The following TRIM67 variants were observed in gnomAD, a reference collection of about 807,000 sequenced individuals.
The protein encoded by TRIM67 is tripartite motif containing 67.
A neutral mutation model predicts 71.0 loss-of-function variants in TRIM67; 39 were observed. The observed-to-expected ratio is 0.55, with a 90% CI of 0.43 to 0.72. The LOEUF is 0.72. Among genes scored for constraint, TRIM67 ranks in the 30% least tolerant of loss-of-function variants. The probability of loss-of-function intolerance (pLI) is 0.00; values close to 1 mark genes in which losing one functional copy is unlikely to be tolerated. For missense variants in TRIM67, 973 were observed against 1,079.2 expected, an observed-to-expected ratio of 0.90 and a Z score of 1.38; for synonymous variants, 481 against 473.9, an observed-to-expected ratio of 1.01 and a Z score of -0.19.
In TRIM67 at chr1:231,218,217, A is replaced by C; in HGVS notation, c.*2777A>C. ...GTAGAAATGACAGACAGGTCATGGAATTCTCATCCACCATCGAATTCCATA... is the reference window on the plus strand; with the variant it reads ...GTAGAAATGACAGACAGGTCATGGACTTCTCATCCACCATCGAATTCCATA... On this transcript the variant is annotated 3_prime_UTR_variant, in exon 10 of 10. Coordinates refer to ENST00000366653, the MANE Select transcript of TRIM67 (RefSeq NM_001004342.5). The C allele has an allele frequency of 9.9e-7, 1 of 1,013,000 alleles. No individual in the cohort carries two copies. Among genetic ancestry groups the C allele is most frequent in the Non-Finnish European group, 1.2e-6 (1 of 846,048 alleles). 62.8% of individuals were successfully genotyped at this position (1,013,000 alleles called of 1,614,324 possible).
At chr1:231,200,703 G>C (rs895216529) in intron 4 of TRIM67, among the ~76,000 whole-genome samples, 2 of 152,194 alleles carry the variant, frequency 1.3e-5, no homozygotes, top group African/African-American at 4.8e-5. Context: ...TCAGGGTCAT[G>C]AGTATCTCTC....
chr1:231,177,101 G>A (rs1371276302), intron 1 of TRIM67, among the ~76,000 whole-genome samples: 1 of 152,040 alleles, frequency 6.6e-6, no homozygotes, highest in Non-Finnish European at 1.5e-5. Context: ...GGACAGGAGG[G>A]CTCATCTCAC....
At chr1:231,193,491 A>ACTCTCTCTCAAG (rs1683286375) in intron 1 of TRIM67, among the ~76,000 whole-genome samples, 2 of 30,770 alleles carry the variant, frequency 6.5e-5, no homozygotes, top group African/African-American at 2.0e-4. Context: ...AGACACCTGA[A>ACTCTCTCTCAAG]CTCTCTCTCA....
rs201400719 is a variant in TRIM67 at position 231,163,056 on chromosome 1, T to G, written c.87T>G (p.Pro29=). The G allele has an allele frequency of 1.1e-4, 179 of 1,608,780 alleles. No individual in the cohort carries two copies. In the African/African-American group the frequency reaches 2.0e-3, roughly 18 times the overall value. Residue 29 remains proline (P), a synonymous_variant, in exon 1 of 10, where the codon CCT becomes CCG. Coordinates refer to ENST00000366653, the MANE Select transcript of TRIM67 (RefSeq NM_001004342.5). ...ILPCSHNVCL[P]CARTIAVQTP... The stretch of plus-strand genomic sequence containing the variant: ...CCTGTTCCCACAATGTCTGCCTGCC[T>G]TGCGCTCGCACCATCGCGGTGCAGA...
rs199637747 is a variant in TRIM67, at chr1:231,216,294, T to A, written c.*854T>A. 180 of 960,472 alleles carry A rather than the reference T, an allele frequency of 1.9e-4. 2 individuals are homozygous for A. In the East Asian group the frequency reaches 3.8e-3, roughly 20 times the overall value. 59.5% of individuals were successfully genotyped at this position (960,472 alleles called of 1,614,324 possible). ...TTCCCTCCCTCCTTCTCTCTCTCTC[T>A]CACACACACACAGGCATGACAGTCT... On this transcript the variant is annotated 3_prime_UTR_variant, in exon 10 of 10. Transcript: ENST00000366653.
intron 9 of TRIM67, 92 bp downstream of exon 9, chr1:231,214,069 A>G: frequency 2.1e-6 from 3 of 1,401,266 alleles, no homozygotes; most frequent in East Asian, 2.5e-5. Flanking sequence ...TGGGCCATAA[A>G]GAAGCTGACC....
chr1:231,198,983 A>G, intron 2 of TRIM67, 64 bp from the exon 3 acceptor site: 4 of 1,609,970 alleles, frequency 2.5e-6, no homozygotes, highest in South Asian at 1.1e-5. Flanking sequence ...AGCACTCACC[A>G]GATTTTAGCA....
chr1:231,163,672 C>G lies in TRIM67; in HGVS notation c.703C>G (p.Gln235Glu). ...CGACGTCCTCTACTGCTCTGCCTGC[C>G]AGCTCAAGTGCCATCCATCCCGGGG... is the stretch of plus-strand genomic sequence containing the variant. ...QCDVLYCSAC[Q>E]LKCHPSRGPF... is the part of the protein sequence containing the mutation. The change falls in exon 1 of 10, where the codon CAG becomes GAG. Residue 235 changes from glutamine to glutamate, a missense_variant. Physicochemically the swap from Gln to Glu is conservative, Grantham distance 29. Coordinates refer to ENST00000366653, the MANE Select transcript of TRIM67 (RefSeq NM_001004342.5). 1 of 1,517,406 alleles carries G rather than the reference C, an allele frequency of 6.6e-7. No homozygotes were observed. The highest frequency in any genetic ancestry group is 8.8e-7 in the Non-Finnish European group (1 of 1,134,324). 94.0% of individuals were successfully genotyped at this position (1,517,406 alleles called of 1,614,324 possible). A position where few individuals can be genotyped will look rare whatever the true frequency, so the allele number is the denominator to read the frequency against.
chr1:231,170,137 C>A (rs540325686), intron 1 of TRIM67, among the ~76,000 whole-genome samples: 37 of 152,188 alleles, frequency 2.4e-4, no homozygotes, highest in African/African-American at 8.9e-4. Context: ...CAGGCATGTA[C>A]CACCATGCCC....
intron 9 of TRIM67, among the ~76,000 whole-genome samples, chr1:231,214,778 C>CA (rs748778482): frequency 0.054 from 2,305 of 42,294 alleles, 67 homozygotes; most frequent in East Asian, 0.14. Flanking sequence ...GACTTCATCT[C>CA]AAAAAAAAAA....
chr1:231,167,330 T>TAAGAGATAGGGTC (rs1558288826), intron 1 of TRIM67, among the ~76,000 whole-genome samples: 4 of 65,190 alleles, frequency 6.1e-5, no homozygotes, highest in Admixed American at 3.0e-4. Flanking sequence ...TTTTTTTTTT[T>TAAGAGATAGGGTC]TTTTTTTTTT....
intron 1 of TRIM67, chr1:231,185,149 G>T: frequency 2.6e-6 from 4 of 1,532,832 alleles, no homozygotes; most frequent in Non-Finnish European, 2.6e-6. Flanking sequence ...AGTGTGTGTT[G>T]TCCAGCCAGC....
At chr1:231,170,459 A>G (rs1006027055) in intron 1 of TRIM67, among the ~76,000 whole-genome samples, 3 of 151,416 alleles carry the variant, frequency 2.0e-5, no homozygotes, top group African/African-American at 7.2e-5. Flanking sequence ...AAGGCTGTGA[A>G]TGAACAATCC....
At chr1:231,169,079 A>C (rs569428818) in intron 1 of TRIM67, among the ~76,000 whole-genome samples, 22 of 152,138 alleles carry the variant, frequency 1.4e-4, no homozygotes, top group African/African-American at 4.3e-4. Flanking sequence ...ATTTGTTGAG[A>C]TAGAGTCTTG....
intron 1 of TRIM67, among the ~76,000 whole-genome samples, chr1:231,192,977 G>A (rs188784988): frequency 1.4e-4 from 21 of 152,324 alleles, no homozygotes; most frequent in East Asian, 1.4e-3. Context: ...TTGCCAAGCA[G>A]GAAGAAGGTC....
chr1:231,206,981 G>A (rs1005590522), intron 7 of TRIM67, among the ~76,000 whole-genome samples, 191 bp downstream of exon 7: 1 of 152,124 alleles, frequency 6.6e-6, no homozygotes, highest in Non-Finnish European at 1.5e-5. Flanking sequence ...TGACTCCTAG[G>A]GCCAACCCAC....
chr1:231,203,840 G>A (rs373480588), intron 5 of TRIM67, 27 bp from the exon 6 acceptor site: 38 of 1,605,498 alleles, frequency 2.4e-5, no homozygotes, highest in East Asian at 4.5e-5. Context: ...GGCTTCCTGC[G>A]CTAACTCATG....
intron 1 of TRIM67, chr1:231,185,960 C>G (rs2102733073): frequency 1.2e-6 from 1 of 809,146 alleles, no homozygotes; most frequent in Non-Finnish European, 2.0e-6. Context: ...ACAGCCGGGA[C>G]AAGGGCTCAT....
At chr1:231,215,222 C>CGTAATATTCAACA (rs1683983911) in intron 9 of TRIM67, among the ~76,000 whole-genome samples, 153 bp from the exon 10 acceptor site, 1 of 152,132 alleles carries the variant, frequency 6.6e-6, no homozygotes, top group Non-Finnish European at 1.5e-5. Context: ...TACTGGGGGA[C>CGTAATATTCAACA]GTAATATTCA....
Sources: gnomAD v4.1 joint callset for allele counts (sites outside exome capture counted in the v4.1 genomes callset) on GRCh38, gnomAD v4.1.1 for gene constraint, MANE v1.5 for transcripts, NCBI Gene and HGNC (gene_info 2026-07-23, HGNC 2026-07-21) for gene names.